The following LRRC4C variants were observed in gnomAD, a reference collection of about 807,000 sequenced individuals.
The protein encoded by LRRC4C is leucine-rich repeat-containing protein 4C.
LRRC4C carries 5 observed loss-of-function variants against 33.6 expected under a neutral mutation model. The ratio of observed to expected loss-of-function variants is 0.15; its 90% CI spans 0.08 to 0.31. The LOEUF (loss-of-function observed/expected upper bound fraction) is 0.31, where lower values mean the gene tolerates loss of function less well. Ranked by LOEUF, LRRC4C falls within the 10% of genes least tolerant of loss-of-function variation. The probability of loss-of-function intolerance (pLI) is 1.00; values close to 1 mark genes in which losing one functional copy is unlikely to be tolerated. For synonymous variants in LRRC4C, 329 were observed against 302.0 expected (o/e 1.09, Z -0.93); for missense variants, 560 against 796.7 (o/e 0.70, Z 3.58).
chr11:41,316,281 A>AAAAAAAC (rs1950793409), intron 1 of LRRC4C, among the ~76,000 whole-genome samples: 1 of 147,196 alleles, frequency 6.8e-6, no homozygotes, highest in Non-Finnish European at 1.5e-5. Flanking sequence ...AAAAAAAAAC[A>AAAAAAAC]AAAAAAAACA....
chr11:40,769,017 C>A (rs1399898506), intron 2 of LRRC4C, among the ~76,000 whole-genome samples: 3 of 151,848 alleles, frequency 2.0e-5, no homozygotes, highest in Non-Finnish European at 4.4e-5. Flanking sequence ...TAAGGGCATC[C>A]AAACTGGAAA....
chr11:40,189,571 G>C (rs891190573), intron 5 of LRRC4C, among the ~76,000 whole-genome samples: 3 of 152,158 alleles, frequency 2.0e-5, no homozygotes, highest in Non-Finnish European at 4.4e-5. Flanking sequence ...CAACGGGCTT[G>C]GCACTTCACA....
At chr11:41,161,937 C>A (rs751454673) in intron 1 of LRRC4C, among the ~76,000 whole-genome samples, 1 of 152,048 alleles carries the variant, frequency 6.6e-6, no homozygotes, top group African/African-American at 2.4e-5. Context: ...TGTAAGTAAA[C>A]CACAACTGTG....
At chr11:40,271,615 C>T (rs1942704433) in intron 4 of LRRC4C, among the ~76,000 whole-genome samples, 1 of 152,160 alleles carries the variant, frequency 6.6e-6, no homozygotes, top group South Asian at 2.1e-4. Context: ...ATTTCTCTGC[C>T]TCCTGAAGCC....
At chr11:40,895,114 A>C (rs893817760) in intron 2 of LRRC4C, among the ~76,000 whole-genome samples, 4 of 152,120 alleles carry the variant, frequency 2.6e-5, no homozygotes, top group Non-Finnish European at 5.9e-5. Context: ...TTTTGGCTGA[A>C]ATAATTGTTC....
intron 2 of LRRC4C, among the ~76,000 whole-genome samples, chr11:40,878,829 G>A (rs768506245): frequency 7.2e-5 from 11 of 152,180 alleles, no homozygotes; most frequent in Non-Finnish European, 1.5e-4. Flanking sequence ...TTCACATACA[G>A]TTTTACAAGA....
chr11:40,508,262 G>A (rs140497030), intron 3 of LRRC4C, among the ~76,000 whole-genome samples: 2,181 of 152,056 alleles, frequency 0.014, 28 homozygotes, highest in Non-Finnish European at 0.021. Flanking sequence ...CCAAAGAAGG[G>A]GGAATTATTT....
rs898778121 is a variant in LRRC4C at position 40,463,834 on chromosome 11, T to G, written c.-269-144113A>C. 3.3e-5 allele frequency among the ~76,000 whole-genome samples: 5 copies of G among 152,084 alleles called. 1 individual carries two copies. Among genetic ancestry groups the G allele is most frequent in the Admixed American group, 3.3e-4 (5 of 15,244 alleles). On this transcript the variant is annotated intron_variant, in intron 3 of 6. Transcript: ENST00000528697. The stretch of plus-strand genomic sequence containing the variant: ...TCTAATCCATCATTTCTAAACTTAC[T>G]TGGCTGTATAATCCATTTGAGGAAT...
At chr11:41,396,886 T>C (rs140783406) in intron 1 of LRRC4C, among the ~76,000 whole-genome samples, 1 of 152,104 alleles carries the variant, frequency 6.6e-6, no homozygotes, top group Non-Finnish European at 1.5e-5. Context: ...CAAAAGAAAC[T>C]ATCAACAGAG....
chr11:40,135,126 G>A (rs1856881141), intron 6 of LRRC4C, among the ~76,000 whole-genome samples: 1 of 152,160 alleles, frequency 6.6e-6, no homozygotes, highest in African/African-American at 2.4e-5. Context: ...TGTATAATGA[G>A]GAAACCTTGG....
At chr11:40,272,794 TATTC>T (rs1341542660) in intron 4 of LRRC4C, among the ~76,000 whole-genome samples, 1 of 152,070 alleles carries the variant, frequency 6.6e-6, no homozygotes, top group Non-Finnish European at 1.5e-5. Flanking sequence ...TTAGTTAAAT[TATTC>T]AGACTATGTG....
chr11:40,145,641 G>A (rs1195809867), intron 5 of LRRC4C, among the ~76,000 whole-genome samples: 1 of 152,134 alleles, frequency 6.6e-6, no homozygotes, highest in Non-Finnish European at 1.5e-5. Context: ...ATCCAGTCAT[G>A]CTGCCATTTG....
chr11:40,713,476 C>T (rs866422124), intron 2 of LRRC4C, among the ~76,000 whole-genome samples: 3 of 152,080 alleles, frequency 2.0e-5, no homozygotes, highest in African/African-American at 7.2e-5. Context: ...GGATTAGAAG[C>T]CCGCTTCTGC....
chr11:40,955,423 C>T (rs973551817), intron 1 of LRRC4C, among the ~76,000 whole-genome samples: 19 of 151,788 alleles, frequency 1.3e-4, no homozygotes, highest in Middle Eastern at 3.4e-3. Flanking sequence ...TTGTTTTCTT[C>T]ATCACTGGGG....
chr11:41,130,127 A>C (rs75213368), intron 1 of LRRC4C, among the ~76,000 whole-genome samples: 2,933 of 152,042 alleles, frequency 0.019, 52 homozygotes, highest in African/African-American at 0.042. Flanking sequence ...CTTACTGCTC[A>C]TTCCTCATGT....
chr11:40,617,586 T>C (rs912593924), intron 3 of LRRC4C, among the ~76,000 whole-genome samples: 1 of 151,736 alleles, frequency 6.6e-6, no homozygotes, highest in Non-Finnish European at 1.5e-5. Flanking sequence ...AGGTCCAACT[T>C]GGTTTCTGCC....
At chr11:41,255,117 G>C (rs10501256) in intron 1 of LRRC4C, among the ~76,000 whole-genome samples, 19,770 of 152,018 alleles carry the variant, frequency 0.13, 1,429 homozygotes, top group Middle Eastern at 0.25. Flanking sequence ...TTCCCTAAAA[G>C]CTCAACAAGG....
At chr11:40,520,254 C>A (rs1272258642) in intron 3 of LRRC4C, among the ~76,000 whole-genome samples, 1 of 152,206 alleles carries the variant, frequency 6.6e-6, no homozygotes, top group East Asian at 1.9e-4. Flanking sequence ...ACTTTTAATT[C>A]TCTTCAATAA....
intron 1 of LRRC4C, among the ~76,000 whole-genome samples, chr11:41,021,364 C>G (rs1439953980): frequency 6.6e-6 from 1 of 151,812 alleles, no homozygotes; most frequent in East Asian, 1.9e-4. Flanking sequence ...CTCTAGAGTT[C>G]TCCTTTCCTA....
Sources: gnomAD v4.1 joint callset for allele counts (sites outside exome capture counted in the v4.1 genomes callset) on GRCh38, gnomAD v4.1.1 for gene constraint, MANE v1.5 for transcripts, NCBI Gene and HGNC (gene_info 2026-07-23, HGNC 2026-07-21) for gene names.